Variants in THADA observed in about 807,000 individuals in gnomAD.
THADA encodes the protein tRNA (32-2'-O)-methyltransferase regulator THADA.
In THADA, 213 loss-of-function variants were observed where a neutral mutation model predicts 219.8. That is an observed-to-expected ratio of 0.97 (90% CI 0.87 to 1.09). The LOEUF (loss-of-function observed/expected upper bound fraction) is 1.09, where lower values mean the gene tolerates loss of function less well. Among genes scored for constraint, THADA ranks in the 50% least tolerant of loss-of-function variants. THADA has a pLI of 0.00. For synonymous variants in THADA, 1,018 were observed against 828.9 expected (o/e 1.23, Z -3.92); for missense variants, 2,956 against 2,311.3 (o/e 1.28, Z -5.72).
chr2:43,352,147 G>C (rs940929848), intron 29 of THADA, among the ~76,000 whole-genome samples: 3 of 152,156 alleles, frequency 2.0e-5, no homozygotes, highest in East Asian at 1.9e-4. Context: ...TCTTTAGGAA[G>C]AGCTGTTTAT....
At chr2:43,334,455 C>G (rs1047959903) in intron 30 of THADA, among the ~76,000 whole-genome samples, 1 of 152,166 alleles carries the variant, frequency 6.6e-6, no homozygotes, top group African/African-American at 2.4e-5. Flanking sequence ...CATCTCTTCC[C>G]CTCATCAGCA....
At chr2:43,435,010 A>C (rs1244882105) in intron 26 of THADA, among the ~76,000 whole-genome samples, 1 of 152,206 alleles carries the variant, frequency 6.6e-6, no homozygotes, top group Non-Finnish European at 1.5e-5. Context: ...AGGTTTGAGC[A>C]GCTGGGCGCT....
chr2:43,520,713 T>TATATACACACACACACACACAC (rs1218079783), intron 22 of THADA, among the ~76,000 whole-genome samples: 7 of 125,046 alleles, frequency 5.6e-5, no homozygotes, highest in Admixed American at 1.6e-4. Flanking sequence ...TATATATATA[T>TATATACACACACACACACACAC]ACACACACAC....
chr2:43,461,751 G>A (rs1683669056), intron 26 of THADA, among the ~76,000 whole-genome samples: 1 of 152,236 alleles, frequency 6.6e-6, no homozygotes, highest in African/African-American at 2.4e-5. Context: ...GCCGATCCAA[G>A]TTTACTCCTC....
chr2:43,582,704 G>C (rs576058126), intron 7 of THADA, among the ~76,000 whole-genome samples: 1 of 150,950 alleles, frequency 6.6e-6, no homozygotes, highest in African/African-American at 2.4e-5. Flanking sequence ...CAAGTAGCTG[G>C]GATTACAAGC....
intron 36 of THADA, among the ~76,000 whole-genome samples, chr2:43,259,308 T>TG (rs1235330421): frequency 6.6e-6 from 1 of 152,250 alleles, no homozygotes; most frequent in Non-Finnish European, 1.5e-5. Flanking sequence ...TCAGAGCTAC[T>TG]GCTCCTGAGT....
chr2:43,459,184 C>T (rs1683347229), intron 26 of THADA, among the ~76,000 whole-genome samples: 2 of 152,214 alleles, frequency 1.3e-5, no homozygotes, highest in African/African-American at 4.8e-5. Context: ...CCCCAGCTCA[C>T]TTCAGGCTGC....
intron 22 of THADA, among the ~76,000 whole-genome samples, chr2:43,515,013 TATATATTTTATATATAATATATATAA>T (rs1660657225): frequency 1.8e-5 from 1 of 56,182 alleles, no homozygotes; most frequent in Non-Finnish European, 2.9e-5. Flanking sequence ...TTATATATAT[TATATATTTTATATATAATATATATAA>T]ATATATATAT....
At chr2:43,593,045 T>C (rs1383172952) in intron 1 of THADA, among the ~76,000 whole-genome samples, 2 of 152,174 alleles carry the variant, frequency 1.3e-5, no homozygotes, top group African/African-American at 4.8e-5. Context: ...TGGAAAGAAG[T>C]TGCTAGGGAA....
At position 43,240,258 on chromosome 2, in the gene THADA, G is replaced by A. The variant is rs377747807; in HGVS notation, c.5297-7376C>T. On this transcript the variant is annotated intron_variant, in intron 36 of 37. Transcript: ENST00000405975. Reference sequence around the variant, plus strand: ...TGGAGGCGAGGCCAGGCAGGCTGGGGTGGCCTGGGCAGCAAAGGCAGCGTC... The same window carrying A: ...TGGAGGCGAGGCCAGGCAGGCTGGGATGGCCTGGGCAGCAAAGGCAGCGTC... 1.4e-4 allele frequency among the ~76,000 whole-genome samples: 21 copies of A among 152,302 alleles called. No individual in the cohort carries two copies. In the South Asian group the frequency reaches 4.3e-3, roughly 32 times the overall value.
At chr2:43,366,507 C>A (rs1247687528) in intron 29 of THADA, among the ~76,000 whole-genome samples, 1 of 152,060 alleles carries the variant, frequency 6.6e-6, no homozygotes, top group Non-Finnish European at 1.5e-5. Flanking sequence ...TTAACTGCTT[C>A]AAAAGGATCG....
rs1237556719 is a variant in THADA, at chr2:43,556,528, G to A, written c.2491C>T (p.Gln831Ter). 1 of 1,613,636 alleles carries A rather than the reference G, an allele frequency of 6.2e-7. No individual in the cohort carries two copies. The highest frequency in any genetic ancestry group is 2.2e-5 in the East Asian group (1 of 44,888). The change falls in exon 17 of 38, where the codon CAG (glutamine) becomes TAG (stop). Residue 831 changes from glutamine (Q) to a stop codon, truncating the protein, a stop_gained. Coordinates refer to ENST00000405975, the MANE Select transcript of THADA (RefSeq NM_022065.5). LOFTEE classifies it high-confidence loss of function. ...QDSGKLQGLF[Q>*]AALELSTSTK... ...CTTGTGCTGAGCTCCAATGCTGCCTGAAATAAGCCTTGCAGTTTCCCCGAA... is the reference window on the plus strand; with the variant it reads ...CTTGTGCTGAGCTCCAATGCTGCCTAAAATAAGCCTTGCAGTTTCCCCGAA...
rs1696446782 is a variant in THADA, at chr2:43,549,151, T to C, written c.3106+59A>G. ...CTAATTTACCATATAAAAAGGGCATTCTGTACATTTTACTGGTTACTTAAA... is the reference window on the plus strand; with the variant it reads ...CTAATTTACCATATAAAAAGGGCATCCTGTACATTTTACTGGTTACTTAAA... On this transcript the variant is annotated intron_variant, in intron 20 of 37. Transcript: ENST00000405975. 11 of 1,359,208 alleles carry C rather than the reference T, an allele frequency of 8.1e-6. No individual in the cohort carries two copies. The South Asian group carries it at 1.7e-4, about 21-fold the overall frequency. The allele number at this position is 1,359,208 out of a possible 1,614,324, so 84.2% of individuals were successfully genotyped here.
chr2:43,526,613 G>C (rs938175751), intron 22 of THADA, among the ~76,000 whole-genome samples: 1 of 152,114 alleles, frequency 6.6e-6, no homozygotes, highest in Non-Finnish European at 1.5e-5. Context: ...GTTCAAGTGT[G>C]TCGGTCTTAC....
intron 1 of THADA, among the ~76,000 whole-genome samples, chr2:43,594,764 T>C (rs1392983474): frequency 6.6e-6 from 1 of 152,180 alleles, no homozygotes; most frequent in East Asian, 1.9e-4. Context: ...CACTTCTCAG[T>C]ATCTCTGCCC....
chr2:43,242,077 C>A (rs908847742), intron 36 of THADA, among the ~76,000 whole-genome samples: 1 of 152,240 alleles, frequency 6.6e-6, no homozygotes, highest in Non-Finnish European at 1.5e-5. Context: ...AACGCAGATC[C>A]TGTGGTGTTT....
intron 10 of THADA, 131 bp from the exon 11 acceptor site, chr2:43,575,158 G>T: frequency 1.3e-6 from 1 of 751,838 alleles, no homozygotes; most frequent in Non-Finnish European, 2.0e-6. Context: ...AAATTTACAA[G>T]AACAAAAAAC....
At chr2:43,511,138 G>A (rs1690386123) in intron 22 of THADA, among the ~76,000 whole-genome samples, 1 of 152,008 alleles carries the variant, frequency 6.6e-6, no homozygotes, top group South Asian at 2.1e-4. Context: ...TAGAACCATG[G>A]GAAAGTTAAA....
chr2:43,242,673 G>A (rs1668742541), intron 36 of THADA, among the ~76,000 whole-genome samples: 1 of 152,122 alleles, frequency 6.6e-6, no homozygotes, highest in South Asian at 2.1e-4. Context: ...ATTTTTGGTA[G>A]AGACAGGGTT....
Sources: gnomAD v4.1 joint callset for allele counts (sites outside exome capture counted in the v4.1 genomes callset) on GRCh38, gnomAD v4.1.1 for gene constraint, MANE v1.5 for transcripts, NCBI Gene and HGNC (gene_info 2026-07-23, HGNC 2026-07-21) for gene names.